GALNT13: variants seen among roughly 807,000 people sequenced by gnomAD.
GALNT13 encodes polypeptide N-acetylgalactosaminyltransferase 13, also known as UDP-GalNAc:polypeptide N-acetylgalactosaminyltransferase 13.
In GALNT13, 28 loss-of-function variants were observed where a neutral mutation model predicts 64.2. That is an observed-to-expected ratio of 0.44 (90% confidence interval 0.32 to 0.60). The LOEUF (loss-of-function observed/expected upper bound fraction) is 0.60. GALNT13 is among the 20% of genes least tolerant of loss of function. GALNT13 has a pLI of 0.05. For missense variants in GALNT13, 577 were observed against 669.8 expected (o/e 0.86, Z 1.53); for synonymous variants, 214 against 224.6 (o/e 0.95, Z 0.42).
At chr2:153,721,781 A>G in the GALNT13 span, among the ~76,000 whole-genome samples, 1 of 151,720 alleles carries the variant, frequency 6.6e-6, no homozygotes, top group Admixed American at 6.5e-5. Flanking sequence ...TATGCATCCA[A>G]TACAGGAGCA....
intron 2 of GALNT13, among the ~76,000 whole-genome samples, chr2:153,940,060 G>T (rs1336150263): frequency 6.6e-6 from 1 of 151,550 alleles, no homozygotes; most frequent in African/African-American, 2.4e-5. Flanking sequence ...ATATGCAAAT[G>T]AGGGCATTTT....
the GALNT13 span, among the ~76,000 whole-genome samples, chr2:153,225,967 T>C: frequency 6.6e-6 from 1 of 151,636 alleles, no homozygotes; most frequent in Non-Finnish European, 1.5e-5. Flanking sequence ...AGCATCTCAC[T>C]CTGTTGCCCC....
At chr2:154,032,922 CG>C (rs1174338038) in intron 3 of GALNT13, among the ~76,000 whole-genome samples, 1 of 137,620 alleles carries the variant, frequency 7.3e-6, no homozygotes, top group African/African-American at 2.7e-5. Context: ...ACTAAAATCA[CG>C]TATTTGTTTT....
At chr2:153,874,922 C>T (rs746780886) in intron 1 of GALNT13, among the ~76,000 whole-genome samples, 3 of 152,076 alleles carry the variant, frequency 2.0e-5, no homozygotes, top group Non-Finnish European at 4.4e-5. Context: ...TCTCAATCTC[C>T]TTACCTGAAA....
the GALNT13 span, among the ~76,000 whole-genome samples, chr2:153,652,473 G>C: frequency 6.6e-6 from 1 of 151,942 alleles, no homozygotes; most frequent in Non-Finnish European, 1.5e-5. Flanking sequence ...AAATTAGCCG[G>C]GCGTGGTGTC....
chr2:154,381,827 AT>A (rs1014505682), intron 9 of GALNT13, among the ~76,000 whole-genome samples: 2 of 151,946 alleles, frequency 1.3e-5, no homozygotes, highest in African/African-American at 4.8e-5. Context: ...TTGTATTGAA[AT>A]TTTTTCCCCA....
intron 1 of GALNT13, among the ~76,000 whole-genome samples, chr2:153,875,292 T>C (rs2105220889): frequency 6.6e-6 from 1 of 152,316 alleles, no homozygotes; most frequent in East Asian, 1.9e-4. Flanking sequence ...ATGAGTATGG[T>C]GCAGGAGCAT....
At chr2:153,492,532 ACT>A in the GALNT13 span, among the ~76,000 whole-genome samples, 16,667 of 152,188 alleles carry the variant, frequency 0.11, 1,201 homozygotes, top group South Asian at 0.24. Context: ...TGAGACATAA[ACT>A]CTCAGCATTA....
chr2:154,446,932 TG>T (rs1234545350), intron 12 of GALNT13, among the ~76,000 whole-genome samples: 4 of 151,982 alleles, frequency 2.6e-5, no homozygotes, highest in African/African-American at 9.7e-5. Context: ...ATTTGGGGAC[TG>T]CATATATTAA....
chr2:153,977,278 T>C (rs1307618225), intron 3 of GALNT13, among the ~76,000 whole-genome samples: 2 of 152,226 alleles, frequency 1.3e-5, no homozygotes, highest in Admixed American at 1.3e-4. Flanking sequence ...GCTACTTGTA[T>C]TAGTATGTTC....
At chr2:154,299,719 TC>T (rs1345221838) in intron 8 of GALNT13, among the ~76,000 whole-genome samples, 17 of 151,732 alleles carry the variant, frequency 1.1e-4, no homozygotes, top group Non-Finnish European at 2.4e-4. Context: ...CACCTCGGCC[TC>T]CCAAAGTGCT....
At chr2:154,338,291 A>T (rs983485271) in intron 9 of GALNT13, among the ~76,000 whole-genome samples, 1 of 152,184 alleles carries the variant, frequency 6.6e-6, no homozygotes, top group Non-Finnish European at 1.5e-5. Flanking sequence ...TTAAATACAG[A>T]ATAACCAATT....
At chr2:153,793,333 G>T in the GALNT13 span, among the ~76,000 whole-genome samples, 25,868 of 151,994 alleles carry the variant, frequency 0.17, 3,061 homozygotes, top group African/African-American at 0.33. Flanking sequence ...TCTACATTTT[G>T]TGTTAAGCTA....
At chr2:153,606,191 CTATT>C in the GALNT13 span, among the ~76,000 whole-genome samples, 1 of 152,126 alleles carries the variant, frequency 6.6e-6, no homozygotes, top group Admixed American at 6.6e-5. Context: ...GTATATATAT[CTATT>C]TGTATGTATG....
intron 8 of GALNT13, among the ~76,000 whole-genome samples, chr2:154,298,178 A>C (rs913870379): frequency 1.3e-5 from 2 of 151,688 alleles, no homozygotes; most frequent in African/African-American, 4.8e-5. Context: ...ATAAACATAT[A>C]AGAAGAGGAA....
intron 9 of GALNT13, among the ~76,000 whole-genome samples, chr2:154,335,552 G>A (rs1695395504): frequency 1.3e-5 from 2 of 152,004 alleles, no homozygotes; most frequent in East Asian, 1.9e-4. Flanking sequence ...AAAACACCAA[G>A]GATATTAAAT....
chr2:154,151,295 C>T (rs1306007271), intron 4 of GALNT13, among the ~76,000 whole-genome samples: 1 of 152,114 alleles, frequency 6.6e-6, no homozygotes, highest in Non-Finnish European at 1.5e-5. Flanking sequence ...GTCTGAGAGA[C>T]AGTTTGTTAT....
In GALNT13 at chr2:153,963,743, G is replaced by C. The variant is rs1345998593; in HGVS notation, c.142+19104G>C. ...TCTCTCTCTCTCTCTGTGTGTGTGT[G>C]TGTGTGTGTGTGTGTGTGTGTGTGT... On this transcript the variant is annotated intron_variant, in intron 3 of 12. Coordinates refer to ENST00000392825, the MANE Select transcript of GALNT13 (RefSeq NM_052917.4). 6.2e-3 allele frequency among the ~76,000 whole-genome samples: 794 copies of C among 127,988 alleles called. 5 individuals are homozygous for C. Among genetic ancestry groups the C allele is most frequent in the African/African-American group, 0.025 (696 of 27,510 alleles). 84.0% of individuals were successfully genotyped at this position (127,988 alleles called of 152,430 possible).
chr2:154,224,331 AAT>A (rs1688474278), intron 4 of GALNT13, among the ~76,000 whole-genome samples: 1 of 152,106 alleles, frequency 6.6e-6, no homozygotes, highest in African/African-American at 2.4e-5. Flanking sequence ...TTTACATAAA[AAT>A]ACTGAAACAG....
Sources: gnomAD v4.1 joint callset for allele counts (sites outside exome capture counted in the v4.1 genomes callset) on GRCh38, gnomAD v4.1.1 for gene constraint, MANE v1.5 for transcripts, NCBI Gene and HGNC (gene_info 2026-07-23, HGNC 2026-07-21) for gene names.